FSTL5: variants seen among roughly 807,000 people sequenced by gnomAD.
FSTL5 encodes the protein follistatin like 5.
In FSTL5, 62 loss-of-function variants were observed where a neutral mutation model predicts 89.1. The observed-to-expected ratio is 0.70, with a 90% CI of 0.57 to 0.86. The LOEUF (loss-of-function observed/expected upper bound fraction) is 0.86. Among genes scored for constraint, FSTL5 ranks in the 40% least tolerant of loss-of-function variants. The pLI is 0.00. For synonymous variants in FSTL5, 383 were observed against 346.2 expected (o/e 1.11, Z -1.18); for missense variants, 1,057 against 1,001.6 (o/e 1.06, Z -0.75).
At chr4:162,000,705 C>A (rs1736439390) in intron 3 of FSTL5, among the ~76,000 whole-genome samples, 1 of 152,006 alleles carries the variant, frequency 6.6e-6, no homozygotes, top group Non-Finnish European at 1.5e-5. Context: ...TACCTCTGTA[C>A]AATGACCTTT....
At chr4:161,642,881 T>C (rs1333169564) in intron 7 of FSTL5, among the ~76,000 whole-genome samples, 1 of 152,158 alleles carries the variant, frequency 6.6e-6, no homozygotes, top group East Asian at 1.9e-4. Context: ...ATGTTGGAGA[T>C]GGTTGTATAA....
intron 15 of FSTL5, among the ~76,000 whole-genome samples, chr4:161,423,920 C>T (rs572653921): frequency 2.3e-4 from 35 of 150,606 alleles, no homozygotes; most frequent in Admixed American, 4.6e-4. Context: ...AGTGCAGTGG[C>T]GCAATCTGGG....
chr4:162,053,309 A>T (rs1160708569), intron 2 of FSTL5, among the ~76,000 whole-genome samples: 2 of 151,712 alleles, frequency 1.3e-5, no homozygotes, highest in African/African-American at 2.4e-5. Context: ...TTGCAGTGCA[A>T]ATTTATACTG....
chr4:161,477,507 G>T (rs1194842235), intron 13 of FSTL5, among the ~76,000 whole-genome samples: 1 of 150,060 alleles, frequency 6.7e-6, no homozygotes, highest in African/African-American at 2.4e-5. Context: ...TCTTTCTATT[G>T]TCTACTTTAG....
intron 7 of FSTL5, among the ~76,000 whole-genome samples, chr4:161,609,242 G>T (rs1424909315): frequency 1.3e-5 from 2 of 151,768 alleles, no homozygotes; most frequent in African/African-American, 4.8e-5. Context: ...TAGCTCACAG[G>T]GATTTATTTG....
At chr4:161,535,796 T>G (rs1478770333) in intron 10 of FSTL5, among the ~76,000 whole-genome samples, 1 of 152,102 alleles carries the variant, frequency 6.6e-6, no homozygotes, top group East Asian at 1.9e-4. Flanking sequence ...TGCATGTTTG[T>G]TGCAGCACTA....
intron 4 of FSTL5, among the ~76,000 whole-genome samples, chr4:161,900,459 T>G (rs1241164893): frequency 6.7e-6 from 1 of 149,556 alleles, no homozygotes; most frequent in Non-Finnish European, 1.5e-5. Context: ...ATCAACATGG[T>G]GAAACACTGC....
intron 2 of FSTL5, among the ~76,000 whole-genome samples, chr4:162,064,713 A>G (rs180818589): frequency 4.8e-4 from 73 of 152,018 alleles, no homozygotes; most frequent in African/African-American, 1.7e-3. Flanking sequence ...ATATATATAC[A>G]AGCTGTGTCT....
intron 15 of FSTL5, among the ~76,000 whole-genome samples, chr4:161,393,506 G>T (rs554990282): frequency 6.6e-6 from 1 of 151,998 alleles, no homozygotes; most frequent in Non-Finnish European, 1.5e-5. Flanking sequence ...TGGGAGAAGG[G>T]ATGGATGTAG....
intron 3 of FSTL5, among the ~76,000 whole-genome samples, chr4:162,033,277 A>G (rs1456110674): frequency 1.3e-5 from 2 of 152,180 alleles, no homozygotes; most frequent in African/African-American, 4.8e-5. Context: ...TCCATGAGAC[A>G]CATTTTGAGG....
At chr4:162,015,418 T>C (rs981561081) in intron 3 of FSTL5, among the ~76,000 whole-genome samples, 1 of 152,172 alleles carries the variant, frequency 6.6e-6, no homozygotes, top group South Asian at 2.1e-4. Context: ...GTTTCCATCA[T>C]TTTCAAAATA....
At chr4:161,877,775 G>C (rs1291406898) in intron 4 of FSTL5, among the ~76,000 whole-genome samples, 1 of 151,896 alleles carries the variant, frequency 6.6e-6, no homozygotes, top group Non-Finnish European at 1.5e-5. Flanking sequence ...GCAGTGAGCC[G>C]AGATCGCGCC....
In FSTL5 at chr4:161,900,655, AAAAG is replaced by A. The variant is rs1200601794; in HGVS notation, c.409+19745_409+19748del. Among the ~76,000 whole-genome samples, 12 of 111,024 alleles carry A rather than the reference AAAAG, an allele frequency of 1.1e-4. 1 individual carries two copies. The South Asian group carries it at 1.2e-3, about 11-fold the overall frequency. The allele number at this position is 111,024 out of a possible 152,430, so 72.8% of individuals were successfully genotyped here. A position where few individuals can be genotyped will look rare whatever the true frequency, so the allele number is the denominator to read the frequency against. ...CTCCATCTCAAAAAAAAAAAAAAAAAAAAGAAAGAAAGAAAGAAAGAAAAGAAAA... is the reference window on the plus strand; with the variant it reads ...CTCCATCTCAAAAAAAAAAAAAAAAAAAAGAAAGAAAGAAAGAAAAGAAAA... On this transcript the variant is annotated intron_variant, in intron 4 of 15. Coordinates refer to ENST00000306100, the MANE Select transcript of FSTL5 (RefSeq NM_020116.5).
intron 2 of FSTL5, among the ~76,000 whole-genome samples, chr4:162,103,319 T>C (rs1007339244): frequency 1.3e-5 from 2 of 152,146 alleles, no homozygotes; most frequent in Non-Finnish European, 2.9e-5. Flanking sequence ...AGGACAAAAC[T>C]AGGTAAAAGG....
intron 2 of FSTL5, among the ~76,000 whole-genome samples, chr4:162,108,372 T>C (rs1731306683): frequency 1.3e-5 from 2 of 152,080 alleles, no homozygotes; most frequent in Non-Finnish European, 2.9e-5. Context: ...CAAAATTGGA[T>C]TCATTATATG....
At chr4:161,401,134 T>A (rs564447638) in intron 15 of FSTL5, among the ~76,000 whole-genome samples, 16 of 152,292 alleles carry the variant, frequency 1.1e-4, no homozygotes, top group Admixed American at 3.3e-4. Context: ...ATTTTAGAGA[T>A]TGAACTAAGC....
intron 15 of FSTL5, among the ~76,000 whole-genome samples, chr4:161,412,074 GCA>G (rs1405885439): frequency 6.6e-6 from 1 of 152,002 alleles, no homozygotes; most frequent in Non-Finnish European, 1.5e-5. Flanking sequence ...GAAATCAAGA[GCA>G]CAGTTTCACT....
intron 3 of FSTL5, among the ~76,000 whole-genome samples, chr4:162,010,804 T>C (rs1426935263): frequency 6.6e-6 from 1 of 152,260 alleles, no homozygotes; most frequent in East Asian, 1.9e-4. Flanking sequence ...TATTATACCA[T>C]TGAATTAATA....
At chr4:162,012,615 A>T (rs1046296538) in intron 3 of FSTL5, among the ~76,000 whole-genome samples, 3 of 152,134 alleles carry the variant, frequency 2.0e-5, no homozygotes, top group African/African-American at 7.2e-5. Flanking sequence ...CTGCCAAATG[A>T]TTTTTGGTAG....
Sources: allele counts gnomAD v4.1 joint callset (sites outside exome capture counted in the v4.1 genomes callset), GRCh38; gene constraint gnomAD v4.1.1; transcripts MANE v1.5; gene names NCBI Gene and HGNC (gene_info 2026-07-23, HGNC 2026-07-21).